The following SEMA3E variants were observed in gnomAD, a reference collection of about 807,000 sequenced individuals.
SEMA3E encodes semaphorin-3E.
In SEMA3E, 49 loss-of-function variants were observed where a neutral mutation model predicts 93.6. The ratio of observed to expected loss-of-function variants is 0.52; its 90% CI spans 0.42 to 0.66. The LOEUF (loss-of-function observed/expected upper bound fraction) is 0.66. Among genes scored for constraint, SEMA3E ranks in the 30% least tolerant of loss-of-function variants. SEMA3E has a pLI of 0.00. For synonymous variants in SEMA3E, 363 were observed against 330.7 expected (o/e 1.10, Z -1.06); for missense variants, 906 against 964.8 (o/e 0.94, Z 0.81).
chr7:83,454,998 A>T (rs963363646), intron 4 of SEMA3E, among the ~76,000 whole-genome samples: 1 of 149,996 alleles, frequency 6.7e-6, no homozygotes, highest in Non-Finnish European at 1.5e-5. Flanking sequence ...TCTCAGAGGT[A>T]TATGTATAAC....
At chr7:83,402,837 T>C in intron 9 of SEMA3E, 61 bp from the exon 10 acceptor site, 2 of 1,482,304 alleles carry the variant, frequency 1.3e-6, no homozygotes, top group Non-Finnish European at 9.3e-7. Context: ...TCTAGCCAAA[T>C]ACCCCAGCCT....
intron 4 of SEMA3E, among the ~76,000 whole-genome samples, chr7:83,422,579 A>C (rs2115711043): frequency 6.6e-6 from 1 of 152,302 alleles, no homozygotes; most frequent in African/African-American, 2.4e-5. Flanking sequence ...GATCAGGGAT[A>C]TACATATTAT....
At position 83,364,755 on chromosome 7, in the gene SEMA3E, G is replaced by T. The variant is rs1156512082; in HGVS notation, c.*2831C>A. ...AAGAAGCAGGAGACCGGCCCTCGAT[G>T]GAGGTGCCTCTTAGAAATTAGATGA... On this transcript the variant is annotated 3_prime_UTR_variant, in exon 17 of 17. Transcript: ENST00000643230. The T allele has an allele frequency of 6.6e-6, 1 of 152,194 alleles. No homozygotes were observed. The highest frequency in any genetic ancestry group is 1.5e-5 in the Non-Finnish European group (1 of 68,038). The allele number at this position is 152,194 out of a possible 1,614,324, so 9.4% of individuals were successfully genotyped here.
intron 1 of SEMA3E, among the ~76,000 whole-genome samples, chr7:83,544,259 C>T (rs921163851): frequency 5.9e-5 from 9 of 151,968 alleles, no homozygotes; most frequent in African/African-American, 1.7e-4. Context: ...TATTTAAAAC[C>T]TTAATTACAG....
At chr7:83,426,702 G>T (rs1440483230) in intron 4 of SEMA3E, among the ~76,000 whole-genome samples, 1 of 152,034 alleles carries the variant, frequency 6.6e-6, no homozygotes, top group Non-Finnish European at 1.5e-5. Flanking sequence ...ATACAAAAAC[G>T]TTGTTGCAGA....
chr7:83,524,350 T>C (rs1446378660), intron 1 of SEMA3E, among the ~76,000 whole-genome samples: 1 of 152,198 alleles, frequency 6.6e-6, no homozygotes, highest in Admixed American at 6.6e-5. Context: ...AACCTGTCTT[T>C]ACAAGCCTTG....
chr7:83,401,882 G>C (rs1788240131), intron 10 of SEMA3E, among the ~76,000 whole-genome samples: 1 of 152,018 alleles, frequency 6.6e-6, no homozygotes, highest in Non-Finnish European at 1.5e-5. Flanking sequence ...ATGATCCAAA[G>C]TTTTTCCAAC....
chr7:83,614,286 G>A (rs564593329), intron 1 of SEMA3E, among the ~76,000 whole-genome samples: 267 of 152,140 alleles, frequency 1.8e-3, no homozygotes, highest in African/African-American at 6.1e-3. Context: ...TTTATTCCCC[G>A]TTCAGCACTA....
chr7:83,507,677 C>T (rs997443530), intron 1 of SEMA3E, among the ~76,000 whole-genome samples: 37 of 151,714 alleles, frequency 2.4e-4, no homozygotes, highest in African/African-American at 8.2e-4. Context: ...GTGGCTCACA[C>T]GTGTAATCCC....
intron 1 of SEMA3E, among the ~76,000 whole-genome samples, chr7:83,535,333 T>C (rs1476204911): frequency 2.0e-5 from 3 of 152,122 alleles, no homozygotes; most frequent in Non-Finnish European, 2.9e-5. Flanking sequence ...GCTGTGCTTT[T>C]GTCAGTACAT....
At chr7:83,587,960 GC>G (rs1375653358) in intron 1 of SEMA3E, among the ~76,000 whole-genome samples, 2 of 151,726 alleles carry the variant, frequency 1.3e-5, no homozygotes, top group African/African-American at 4.8e-5. Flanking sequence ...AGATTAATTT[GC>G]TTATTATGTA....
Position 83,648,551 on chromosome 7 carries a change from G to T in SEMA3E, c.-9C>A. The T allele has an allele frequency of 6.2e-7, 1 of 1,603,358 alleles. No homozygotes were observed. The highest frequency in any genetic ancestry group is 8.5e-7 in the Non-Finnish European group (1 of 1,170,740). ...TGCCCCGCGGATGCCATGCTGCCGT[G>T]TTCACCGTCCAAGCCCTCGCTCCTC... is the stretch of plus-strand genomic sequence containing the variant. On this transcript the variant is annotated 5_prime_UTR_variant, in exon 1 of 17. Coordinates refer to ENST00000643230, the MANE Select transcript of SEMA3E (RefSeq NM_012431.3).
chr7:83,513,220 C>T (rs1790859490), intron 1 of SEMA3E, among the ~76,000 whole-genome samples: 1 of 152,166 alleles, frequency 6.6e-6, no homozygotes, highest in Admixed American at 6.6e-5. Flanking sequence ...TTTTCAGGCT[C>T]AATGAAGCAG....
Position 83,593,411 on chromosome 7 carries a change from T to G in SEMA3E, c.115+55017A>C, listed in dbSNP as rs138891163. The stretch of plus-strand genomic sequence containing the variant: ...CTGCTCTAACACAGTCATTGTAGGA[T>G]TGGAAAGTAAAGCACATAGATGATA... On this transcript the variant is annotated intron_variant, in intron 1 of 16. Transcript: ENST00000643230. 3.7e-3 allele frequency among the ~76,000 whole-genome samples: 554 copies of G among 151,182 alleles called. 5 individuals carry two copies. Among genetic ancestry groups the G allele is most frequent in the South Asian group, 0.021 (99 of 4,762 alleles).
chr7:83,382,012 C>G (rs371130220), intron 16 of SEMA3E, among the ~76,000 whole-genome samples: 10 of 151,950 alleles, frequency 6.6e-5, no homozygotes, highest in Non-Finnish European at 1.2e-4. Context: ...CCACTCAACT[C>G]TGACAAAGAA....
chr7:83,406,075 A>G lies in SEMA3E; in HGVS notation c.814-16T>C, dbSNP rs765182401. ...CTACATCATTCTGTGAAAACCAAAA[A>G]GGAGGTAAATAGTTACCTAAAGAAT... On this transcript the variant is annotated splice_polypyrimidine_tract_variant and intron_variant, in intron 7 of 16. Coordinates refer to ENST00000643230, the MANE Select transcript of SEMA3E (RefSeq NM_012431.3). 11 of 1,562,332 alleles carry G rather than the reference A, an allele frequency of 7.0e-6. No individual in the cohort carries two copies. Among genetic ancestry groups the G allele is most frequent in the Non-Finnish European group, 1.8e-6 (2 of 1,133,152 alleles).
At chr7:83,604,235 A>C in intron 1 of SEMA3E, among the ~76,000 whole-genome samples, 1 of 152,190 alleles carries the variant, frequency 6.6e-6, no homozygotes, top group East Asian at 1.9e-4. Context: ...TTTAATAAGT[A>C]AAACGCATAT....
At chr7:83,599,871 C>T (rs546220632) in intron 1 of SEMA3E, among the ~76,000 whole-genome samples, 1 of 152,114 alleles carries the variant, frequency 6.6e-6, no homozygotes, top group South Asian at 2.1e-4. Context: ...TTTAAAAGAC[C>T]GTGTTTGAAA....
intron 1 of SEMA3E, among the ~76,000 whole-genome samples, chr7:83,636,009 A>G (rs215250): frequency 0.35 from 52,368 of 151,768 alleles, 11,593 homozygotes; most frequent in African/African-American, 0.62. Context: ...TCTTGTATTC[A>G]TTCTTTTTCT....
Sources: gnomAD v4.1 joint callset for allele counts (sites outside exome capture counted in the v4.1 genomes callset) on GRCh38, gnomAD v4.1.1 for gene constraint, MANE v1.5 for transcripts, NCBI Gene and HGNC (gene_info 2026-07-23, HGNC 2026-07-21) for gene names.